GRAMD1B: variants seen among roughly 807,000 people sequenced by gnomAD.
GRAMD1B encodes the protein protein Aster-B.
Under a neutral mutation model 99.7 loss-of-function variants are expected in GRAMD1B, and 37 were observed. That is an observed-to-expected ratio of 0.37 (90% CI 0.29 to 0.49). The LOEUF is 0.49. Among genes scored for constraint, GRAMD1B ranks in the 20% least tolerant of loss-of-function variants. The probability of loss-of-function intolerance (pLI) is 0.98; values close to 1 mark genes in which losing one functional copy is unlikely to be tolerated. For missense variants in GRAMD1B, 888 were observed against 1,009.2 expected (o/e 0.88, Z 1.63); for synonymous variants, 427 against 387.6 (o/e 1.10, Z -1.19).
At chr11:123,412,593 A>G (rs1565482495) in intron 1 of GRAMD1B, among the ~76,000 whole-genome samples, 1 of 152,144 alleles carries the variant, frequency 6.6e-6, no homozygotes. Context: ...TTGTAAGGTC[A>G]AAAGATATCA....
intron 9 of GRAMD1B, among the ~76,000 whole-genome samples, chr11:123,603,921 T>A (rs1952345057): frequency 6.6e-6 from 1 of 152,218 alleles, no homozygotes; most frequent in Non-Finnish European, 1.5e-5. Context: ...GGATGGTGGT[T>A]GTTTGGAGAA....
chr11:123,491,526 T>C (rs115632631), intron 2 of GRAMD1B: 150 of 189,404 alleles, frequency 7.9e-4, no homozygotes, highest in African/African-American at 3.3e-3. Context: ...CCTCCTTGTC[T>C]GAGGACAAAG....
chr11:123,368,569 A>G (rs2135717127), intron 1 of GRAMD1B, among the ~76,000 whole-genome samples: 1 of 150,180 alleles, frequency 6.7e-6, no homozygotes, highest in African/African-American at 2.4e-5. Flanking sequence ...AATCCCAGCT[A>G]CTTGGGAAGC....
intron 1 of GRAMD1B, among the ~76,000 whole-genome samples, chr11:123,415,670 C>A (rs139508061): frequency 1.2e-3 from 189 of 152,140 alleles, no homozygotes; most frequent in African/African-American, 4.4e-3. Flanking sequence ...CACTCTTTTC[C>A]AAGCCACTCA....
At chr11:123,435,715 T>G (rs1949127997) in intron 1 of GRAMD1B, 3 of 393,962 alleles carry the variant, frequency 7.6e-6, no homozygotes, top group Non-Finnish European at 1.4e-5. Flanking sequence ...TCTCTACTGT[T>G]TAAAGTGAAA....
chr11:123,401,473 G>A (rs1489122579), intron 1 of GRAMD1B, among the ~76,000 whole-genome samples: 2 of 152,190 alleles, frequency 1.3e-5, no homozygotes, highest in East Asian at 1.9e-4. Flanking sequence ...TGCCTCCCAC[G>A]GGAGTTTGCT....
chr11:123,595,555 A>G (rs1253727933), intron 6 of GRAMD1B, among the ~76,000 whole-genome samples: 1 of 152,024 alleles, frequency 6.6e-6, no homozygotes, highest in Non-Finnish European at 1.5e-5. Flanking sequence ...CCGCCTCCCA[A>G]AGTGCTGTGA....
chr11:123,559,520 A>G (rs946235084), intron 2 of GRAMD1B, among the ~76,000 whole-genome samples: 3 of 152,208 alleles, frequency 2.0e-5, no homozygotes, highest in Non-Finnish European at 2.9e-5. Context: ...TGACTTTCAA[A>G]ATATTATTAA....
chr11:123,368,357 G>A (rs920340721), intron 1 of GRAMD1B, among the ~76,000 whole-genome samples: 1 of 150,902 alleles, frequency 6.6e-6, no homozygotes. Context: ...GCCATAACTC[G>A]AGATAAAATG....
chr11:123,478,182 AT>A (rs1227548151), intron 1 of GRAMD1B, among the ~76,000 whole-genome samples: 5 of 148,188 alleles, frequency 3.4e-5, no homozygotes, highest in East Asian at 2.0e-4. Context: ...TGCCTGGCTA[AT>A]TTTTTTTTTA....
At chr11:123,516,701 A>G (rs1941702446) in intron 2 of GRAMD1B, among the ~76,000 whole-genome samples, 1 of 152,226 alleles carries the variant, frequency 6.6e-6, no homozygotes, top group Admixed American at 6.5e-5. Context: ...TTACAAACCT[A>G]TGCTCGTTTT....
chr11:123,416,023 A>T (rs927860599), intron 1 of GRAMD1B, among the ~76,000 whole-genome samples: 1 of 152,118 alleles, frequency 6.6e-6, no homozygotes, highest in Non-Finnish European at 1.5e-5. Context: ...AATAAATAAA[A>T]ATGGTTTTAG....
chr11:123,407,183 A>G (rs536458835), intron 1 of GRAMD1B, among the ~76,000 whole-genome samples: 81 of 152,364 alleles, frequency 5.3e-4, no homozygotes, highest in African/African-American at 1.7e-3. Context: ...ACAGGTCTAT[A>G]ACACTCAGAA....
At position 123,622,947 on chromosome 11, in the gene GRAMD1B, G is replaced by A. The variant is rs1296235812; in HGVS notation, c.*352G>A. 1 of 152,598 alleles carries A rather than the reference G, an allele frequency of 6.6e-6. No homozygotes were observed. The highest frequency in any genetic ancestry group is 1.5e-5 in the Non-Finnish European group (1 of 68,218). The allele number at this position is 152,598 out of a possible 1,614,324, so 9.5% of individuals were successfully genotyped here. On this transcript the variant is annotated 3_prime_UTR_variant, in exon 20 of 20. Coordinates refer to ENST00000635736, the MANE Select transcript of GRAMD1B (RefSeq NM_001387025.1). The stretch of plus-strand genomic sequence containing the variant: ...GTTGAGCCAAAGTTATGCCTGCGAA[G>A]ACCCTAAGGTCTCAAAAAGAAGTCT...
At chr11:123,607,493 C>T (rs753195754) in intron 11 of GRAMD1B, among the ~76,000 whole-genome samples, 7 of 152,174 alleles carry the variant, frequency 4.6e-5, no homozygotes, top group Admixed American at 1.3e-4. Context: ...CTGTGGACAC[C>T]TCTCCCAGGG....
intron 2 of GRAMD1B, among the ~76,000 whole-genome samples, chr11:123,528,617 G>A (rs1186008676): frequency 6.6e-6 from 1 of 152,088 alleles, no homozygotes; most frequent in Non-Finnish European, 1.5e-5. Context: ...TTTCCCCAGT[G>A]ATTCACCTGT....
intron 7 of GRAMD1B, 30 bp downstream of exon 7, chr11:123,596,067 A>G: frequency 2.5e-6 from 3 of 1,178,260 alleles, no homozygotes; most frequent in Non-Finnish European, 3.8e-6. Flanking sequence ...GGCCTTTCTA[A>G]TCCTCCCTTA....
intron 2 of GRAMD1B, among the ~76,000 whole-genome samples, chr11:123,529,660 T>G (rs1327420041): frequency 6.6e-6 from 1 of 152,182 alleles, no homozygotes; most frequent in Admixed American, 6.5e-5. Flanking sequence ...GCCAAGAAAT[T>G]GGTTTTTTAA....
At chr11:123,453,363 C>T (rs559468383) in intron 1 of GRAMD1B, among the ~76,000 whole-genome samples, 1 of 152,208 alleles carries the variant, frequency 6.6e-6, no homozygotes, top group African/African-American at 2.4e-5. Context: ...GTCATCTAGG[C>T]TGGAGTGCAG....
Sources: allele counts gnomAD v4.1 joint callset (sites outside exome capture counted in the v4.1 genomes callset), GRCh38; gene constraint gnomAD v4.1.1; transcripts MANE v1.5; gene names NCBI Gene and HGNC (gene_info 2026-07-23, HGNC 2026-07-21).